Variants in ABCG2 observed in about 807,000 individuals in gnomAD.
The protein encoded by ABCG2 is ATP binding cassette subfamily G member 2 (JR blood group).
ABCG2 carries 80 observed loss-of-function variants against 73.5 expected under a neutral mutation model. The observed-to-expected ratio is 1.09, with a 90% CI of 0.91 to 1.31. ABCG2 has a LOEUF of 1.31. Ranked by LOEUF, ABCG2 falls within the 50% of genes most tolerant of loss-of-function variation. The pLI is 0.00. For synonymous variants in ABCG2, 269 were observed against 282.4 expected, an observed-to-expected ratio of 0.95 and a Z score of 0.48; for missense variants, 796 against 786.2, an observed-to-expected ratio of 1.01 and a Z score of -0.15.
intron 1 of ABCG2, among the ~76,000 whole-genome samples, chr4:88,199,118 G>A (rs1165241101): frequency 6.6e-6 from 1 of 151,920 alleles, no homozygotes; most frequent in Non-Finnish European, 1.5e-5. Context: ...ACAGGCTCCT[G>A]CCACCACACC....
In ABCG2 at chr4:88,175,106, T is replaced by C. The variant is rs1299671421; in HGVS notation, c.-19-35092A>G. ...CTGTTGTTTAAATCAAGTATTATAC[T>C]TTATTATGGCAGCCCAGCAAACTAC... On this transcript the variant is annotated intron_variant, in intron 1 of 15. Transcript: ENST00000515655. Among the ~76,000 whole-genome samples, 3 of 152,244 alleles carry C rather than the reference T, an allele frequency of 2.0e-5. 1 individual carries two copies. The highest frequency in any genetic ancestry group is 2.0e-4 in the Admixed American group (3 of 15,286).
chr4:88,137,654 G>C (rs1035589031), intron 2 of ABCG2, among the ~76,000 whole-genome samples: 1 of 152,210 alleles, frequency 6.6e-6, no homozygotes, highest in Non-Finnish European at 1.5e-5. Context: ...CAATGTCTGA[G>C]TGGTTATATA....
chr4:88,226,651 A>G (rs1419116446), intron 1 of ABCG2: 1 of 152,394 alleles, frequency 6.6e-6, no homozygotes, highest in Non-Finnish European at 1.5e-5. Context: ...AGGATCTCAT[A>G]GCTTGCACAT....
At chr4:88,109,072 C>T (rs1333784164) in intron 9 of ABCG2, among the ~76,000 whole-genome samples, 4 of 150,216 alleles carry the variant, frequency 2.7e-5, no homozygotes, top group African/African-American at 9.8e-5. Flanking sequence ...GATCTCGGCT[C>T]ACTGTAACCT....
At chr4:88,229,688 T>C (rs1367549331) in intron 1 of ABCG2, among the ~76,000 whole-genome samples, 1 of 152,154 alleles carries the variant, frequency 6.6e-6, no homozygotes, top group Non-Finnish European at 1.5e-5. Context: ...TTTTTTCCCA[T>C]TGCTTTCTTC....
chr4:88,153,553 T>C (rs1357481470), intron 1 of ABCG2, among the ~76,000 whole-genome samples: 2 of 144,828 alleles, frequency 1.4e-5, no homozygotes, highest in Non-Finnish European at 3.1e-5. Context: ...GTAAGGGATA[T>C]AAATGTTTCA....
intron 1 of ABCG2, among the ~76,000 whole-genome samples, chr4:88,201,110 A>C (rs1395036535): frequency 1.3e-5 from 2 of 151,730 alleles, no homozygotes; most frequent in African/African-American, 4.8e-5. Flanking sequence ...ATCAGAAAAA[A>C]CATGAAACTG....
At chr4:88,158,217 A>C (rs1727082537) in intron 1 of ABCG2, among the ~76,000 whole-genome samples, 169 bp downstream of exon 1, 1 of 152,188 alleles carries the variant, frequency 6.6e-6, no homozygotes. Context: ...AACCACTTTG[A>C]ACTGTCAGTT....
intron 9 of ABCG2, among the ~76,000 whole-genome samples, chr4:88,109,855 C>T (rs1461182939): frequency 6.6e-6 from 1 of 152,084 alleles, no homozygotes; most frequent in Non-Finnish European, 1.5e-5. Flanking sequence ...AATCATAAAC[C>T]CTGAATCAGG....
At chr4:88,205,141 A>G (rs944490810) in intron 1 of ABCG2, among the ~76,000 whole-genome samples, 3 of 152,170 alleles carry the variant, frequency 2.0e-5, no homozygotes, top group African/African-American at 7.2e-5. Flanking sequence ...GGAAATGTCT[A>G]ATGAATTCCT....
rs375571736 is a variant in ABCG2, at chr4:88,220,440, G to T, written c.-20+10554C>A. On this transcript the variant is annotated intron_variant, in intron 1 of 15. Coordinates refer to the ABCG2 transcript ENST00000515655. The stretch of plus-strand genomic sequence containing the variant: ...TACATTCCACCAACAGTGCACAAGA[G>T]TTCCAATCTCTCCACATTCTTGCCA... The T allele has an allele frequency of 4.6e-5, 7 of 152,202 alleles. No individual in the cohort carries two copies. The East Asian group carries it at 7.7e-4, about 17-fold the overall frequency. 9.4% of individuals were successfully genotyped at this position (152,202 alleles called of 1,614,324 possible).
In ABCG2 at chr4:88,125,061, G is replaced by A. The variant is rs183504884; in HGVS notation, c.532-3269C>T. Among the ~76,000 whole-genome samples, 21 of 152,216 alleles carry A rather than the reference G, an allele frequency of 1.4e-4. No homozygotes were observed. The East Asian group carries it at 4.1e-3, about 29-fold the overall frequency. On this transcript the variant is annotated intron_variant, in intron 5 of 15. Transcript: ENST00000237612. ...TAATCCCAGCACTTCGGAAGGCTGA[G>A]GCAGGTGGATCTTGAAGTCAGGAGA... is the stretch of plus-strand genomic sequence containing the variant.
intron 5 of ABCG2, among the ~76,000 whole-genome samples, chr4:88,125,245 T>A (rs1372009569): frequency 2.7e-5 from 4 of 148,512 alleles, no homozygotes; most frequent in African/African-American, 5.0e-5. Flanking sequence ...TGAGCCAAGA[T>A]CGCGCCACTG....
At chr4:88,163,727 G>A (rs760869546), upstream of ABCG2, 3 of 408,176 alleles carry the variant, frequency 7.3e-6, no homozygotes, top group South Asian at 1.9e-5. Context: ...AGAGAGATCC[G>A]GAAATTTGCC....
intron 1 of ABCG2, among the ~76,000 whole-genome samples, chr4:88,143,547 A>C (rs916965482): frequency 6.6e-6 from 1 of 152,222 alleles, no homozygotes; most frequent in African/African-American, 2.4e-5. Flanking sequence ...TGCCCATACA[A>C]GACAGAGGGT....
chr4:88,132,441 C>A, intron 3 of ABCG2, 135 bp downstream of exon 3: 1 of 875,170 alleles, frequency 1.1e-6, no homozygotes. Context: ...CTACAGTTAT[C>A]CACAGCACCT....
At chr4:88,222,436 A>C (rs1730046503) in intron 1 of ABCG2, among the ~76,000 whole-genome samples, 1 of 152,108 alleles carries the variant, frequency 6.6e-6, no homozygotes, top group Non-Finnish European at 1.5e-5. Flanking sequence ...TGTTCTCGTG[A>C]TAGTGAATGA....
rs1389663757 is a variant in ABCG2, at chr4:88,131,149, A to G, written c.443T>C (p.Leu148Pro). 1.2e-6 allele frequency: 2 copies of G among 1,614,124 alleles called. No homozygotes were observed. The highest frequency in any genetic ancestry group is 1.1e-5 in the South Asian group (1 of 91,084). Residue 148 changes from leucine to proline, a missense_variant, in exon 5 of 16, where the codon CTT (leucine) becomes CCT (proline). Physicochemically the swap from Leu to Pro is moderately conservative, Grantham distance 98. Coordinates refer to ENST00000237612, the MANE Select transcript of ABCG2 (RefSeq NM_004827.3). ...ENLQFSAALR[L>P]ATTMTNHEKN... ...TTCATGATTCGTCATAGTTGTTGCA[A>G]GCCGAAGAGCTGCTGAGAACTGTAA...
At chr4:88,193,129 C>A (rs1454831365) in intron 1 of ABCG2, among the ~76,000 whole-genome samples, 1 of 152,058 alleles carries the variant, frequency 6.6e-6, no homozygotes, top group African/African-American at 2.4e-5. Context: ...TTTACCATGC[C>A]TTCTCACGTA....
Sources: allele counts gnomAD v4.1 joint callset (sites outside exome capture counted in the v4.1 genomes callset), GRCh38; gene constraint gnomAD v4.1.1; transcripts MANE v1.5; gene names NCBI Gene and HGNC (gene_info 2026-07-23, HGNC 2026-07-21).